Variants in ABCB9 observed in about 807,000 individuals in gnomAD.
ABCB9 encodes the protein ATP binding cassette subfamily B member 9, also known as ABC-type oligopeptide transporter ABCB9.
A neutral mutation model predicts 62.0 loss-of-function variants in ABCB9; 36 were observed. The observed-to-expected ratio is 0.58, with a 90% CI of 0.45 to 0.77. The LOEUF is 0.77. ABCB9 is among the 30% of genes least tolerant of loss of function. The probability of loss-of-function intolerance (pLI) is 0.00; values close to 1 mark genes in which losing one functional copy is unlikely to be tolerated. For missense variants in ABCB9, 943 were observed against 1,054.7 expected (o/e 0.89, Z 1.47); for synonymous variants, 435 against 461.4 (o/e 0.94, Z 0.73).
Position 122,959,705 on chromosome 12 carries a change from C to T in ABCB9, c.531G>A (p.Leu177=). 1.2e-6 allele frequency: 2 copies of T among 1,608,856 alleles called. No individual in the cohort carries two copies. The highest frequency in any genetic ancestry group is 1.7e-6 in the Non-Finnish European group (2 of 1,176,700). Residue 177 remains leucine (L), a synonymous_variant, in exon 2 of 12, where the codon CTG becomes CTA. Transcript: ENST00000280560. This position sits in a 1 kb window ranked among gnomAD's most constrained non-coding sequence, Gnocchi z 5.4. ...EQASGATLQK[L]LSYTKPDVAF... ...CCACGTCGGGCTTGGTGTAGGAGAG[C>T]AGCTTCTGCAGCGTGGCCCCAGACG...
chr12:122,970,423 T>C (rs2037257109), upstream of ABCB9, among the ~76,000 whole-genome samples: 1 of 152,040 alleles, frequency 6.6e-6, no homozygotes, highest in African/African-American at 2.4e-5. Context: ...AATTTTTGTA[T>C]TTTTGGTAGA....
intron 5 of ABCB9, among the ~76,000 whole-genome samples, chr12:122,946,836 A>C (rs2036067311): frequency 6.6e-6 from 1 of 152,174 alleles, no homozygotes; most frequent in Non-Finnish European, 1.5e-5. Flanking sequence ...GCTGCTGTTC[A>C]CCAGAGTCCT....
At chr12:122,950,654 C>A in intron 2 of ABCB9, 89 bp from the exon 3 acceptor site, 1 of 1,046,116 alleles carries the variant, frequency 9.6e-7, no homozygotes, top group Non-Finnish European at 1.4e-6. Flanking sequence ...ACACACCAAC[C>A]CCTCTGCCCA....
Position 122,944,309 on chromosome 12 carries a change from A to AG in ABCB9, c.1380+81dup. The AG allele has an allele frequency of 6.6e-7, 1 of 1,513,140 alleles. No homozygotes were observed. Among genetic ancestry groups the AG allele is most frequent in the Non-Finnish European group, 8.9e-7 (1 of 1,119,686 alleles). The allele number at this position is 1,513,140 out of a possible 1,614,324, so 93.7% of individuals were successfully genotyped here. ...AATACCACATTGTCAGAGTCCCTGG[A>AG]GCCCCGCCCCCACCCTGTTAAGATC... On this transcript the variant is annotated intron_variant, in intron 7 of 11. Coordinates refer to ENST00000280560, the MANE Select transcript of ABCB9 (RefSeq NM_019625.4). This position sits in a 1 kb window ranked among gnomAD's most constrained non-coding sequence, Gnocchi z 4.9.
chr12:122,973,603 A>AAAAAAAAAAAAAC (rs2037320043), intron 1 of ABCB9, among the ~76,000 whole-genome samples: 1 of 143,280 alleles, frequency 7.0e-6, no homozygotes, highest in Non-Finnish European at 1.5e-5. Context: ...AAAAAAAAAA[A>AAAAAAAAAAAAAC]AAAAAACAAA....
chr12:122,955,397 G>A (rs1296010811), intron 2 of ABCB9, among the ~76,000 whole-genome samples: 1 of 152,198 alleles, frequency 6.6e-6, no homozygotes, highest in African/African-American at 2.4e-5. Context: ...TCATGGCATG[G>A]GGCACCATCT....
rs1234289189 is a variant in ABCB9 at position 122,964,715 on chromosome 12, G to T, written c.-88+1572C>A. Among the ~76,000 whole-genome samples the T allele has an allele frequency of 6.6e-6, 1 of 152,246 alleles. No homozygotes were observed. The highest frequency in any genetic ancestry group is 2.4e-5 in the African/African-American group (1 of 41,466). ...CTGGAGGGCAAATTGTGAGCACATG[G>T]GTGACCTGCTTGGCCTGAGGGACAA... is the stretch of plus-strand genomic sequence containing the variant. On this transcript the variant is annotated intron_variant, in intron 1 of 11. Coordinates refer to ENST00000280560, the MANE Select transcript of ABCB9 (RefSeq NM_019625.4). The surrounding 1 kb of genome is among the most constrained non-coding windows in gnomAD (Gnocchi z 4.7).
intron 7 of ABCB9, among the ~76,000 whole-genome samples, chr12:122,943,338 G>A (rs987917962): frequency 3.9e-5 from 6 of 152,024 alleles, no homozygotes; most frequent in African/African-American, 1.2e-4. Context: ...AAACAAATCC[G>A]TTGCACGCCA....
chr12:122,968,070 C>T (rs1335404448), upstream of ABCB9, among the ~76,000 whole-genome samples: 1 of 147,816 alleles, frequency 6.8e-6, no homozygotes, highest in Non-Finnish European at 1.5e-5. Context: ...ACTCTGTAGC[C>T]AGAAAAAAAA....
intron 2 of ABCB9, among the ~76,000 whole-genome samples, chr12:122,957,510 C>A (rs1176362430): frequency 6.6e-6 from 1 of 152,112 alleles, no homozygotes; most frequent in Non-Finnish European, 1.5e-5. Context: ...GCCCCCAGAA[C>A]CTGTGAGCTC....
In ABCB9 at chr12:122,959,037, T is replaced by C. The variant is rs916191481; in HGVS notation, c.601+598A>G. Among the ~76,000 whole-genome samples the C allele has an allele frequency of 1.3e-5, 2 of 148,300 alleles. No homozygotes were observed. Among genetic ancestry groups the C allele is most frequent in the African/African-American group, 2.5e-5 (1 of 40,602 alleles). ...GGCGTGAGCCACCGCGCCTGGCCTA[T>C]TTTTTCGTTTTAAATTACATAAAAT... On this transcript the variant is annotated intron_variant, in intron 2 of 11. Coordinates refer to ENST00000280560, the MANE Select transcript of ABCB9 (RefSeq NM_019625.4). This position sits in a 1 kb window ranked among gnomAD's most constrained non-coding sequence, Gnocchi z 5.4.
At chr12:122,950,751 CA>C (rs1316758015) in intron 2 of ABCB9, 186 bp from the exon 3 acceptor site, 9 of 557,182 alleles carry the variant, frequency 1.6e-5, no homozygotes, top group Non-Finnish European at 2.6e-5. Flanking sequence ...CCTCAGAGAA[CA>C]GGGGAGCACT....
Position 122,941,015 on chromosome 12 carries a change from G to A in ABCB9, c.1381-20C>T, listed in dbSNP as rs774228823. 3.4e-5 allele frequency: 54 copies of A among 1,566,676 alleles called. No homozygotes were observed. The highest frequency in any genetic ancestry group is 1.8e-4 in the Admixed American group (10 of 57,142). On this transcript the variant is annotated intron_variant, in intron 7 of 11. Transcript: ENST00000280560. ...CACGGACTGGGGAGAGGAGACACGC[G>A]TTCCTGTCCCACCGATACCCGACTC...
Position 122,950,469 on chromosome 12 carries a change from C to T in ABCB9, c.698G>A (p.Cys233Tyr), listed in dbSNP as rs1261179995. 1 of 1,611,986 alleles carries T rather than the reference C, an allele frequency of 6.2e-7. No individual in the cohort carries two copies. The highest frequency in any genetic ancestry group is 8.5e-7 in the Non-Finnish European group (1 of 1,179,732). Reference sequence around the variant, plus strand: ...CAGCTACCTGCCAATGGCCAGCAGGCACACGATGACGACAGCCGTGCTGAA... The same window carrying T: ...CAGCTACCTGCCAATGGCCAGCAGGTACACGATGACGACAGCCGTGCTGAA... ...DQFSTAVVIV[C>Y]LLAIGSSFAA... The change falls in exon 3 of 12, where the codon TGC becomes TAC. Residue 233 changes from cysteine to tyrosine, a missense_variant. By Grantham distance (194) the Cys-to-Tyr change is radical. Transcript: ENST00000280560.
chr12:122,970,943 T>C (rs557730689), upstream of ABCB9, among the ~76,000 whole-genome samples: 1 of 152,242 alleles, frequency 6.6e-6, no homozygotes, highest in African/African-American at 2.4e-5. Flanking sequence ...ATTCCTACCA[T>C]ATGACATTCT....
chr12:122,924,556 T>C (rs759402994), downstream of ABCB9: 6 of 1,278,316 alleles, frequency 4.7e-6, no homozygotes, highest in Non-Finnish European at 6.1e-6. Flanking sequence ...GGCTGTTTAC[T>C]GAGCACATAC....
In ABCB9 at chr12:122,932,640, C is replaced by G. The variant is rs2035242643; in HGVS notation, c.1904-312G>C. ...TCCTCCTGGAGAAGGGGAGTTGGAG[C>G]GAGCCCCATGGCTTGAAGAGCTGCA... is the stretch of plus-strand genomic sequence containing the variant. On this transcript the variant is annotated intron_variant, in intron 10 of 11. Coordinates refer to ENST00000280560, the MANE Select transcript of ABCB9 (RefSeq NM_019625.4). This position sits in a 1 kb window ranked among gnomAD's most constrained non-coding sequence, Gnocchi z 4.7. 6.6e-6 allele frequency among the ~76,000 whole-genome samples: 1 copy of G among 152,176 alleles called. No individual in the cohort carries two copies. Among genetic ancestry groups the G allele is most frequent in the South Asian group, 2.1e-4 (1 of 4,828 alleles).
chr12:122,928,139 T>C (rs1369661210), downstream of ABCB9, among the ~76,000 whole-genome samples: 2 of 152,092 alleles, frequency 1.3e-5, no homozygotes, highest in Non-Finnish European at 2.9e-5. Context: ...ATTATCTAGG[T>C]GGCCTCTAAA....
intron 7 of ABCB9, among the ~76,000 whole-genome samples, chr12:122,943,510 G>A (rs546273567): frequency 2.2e-4 from 34 of 152,272 alleles, no homozygotes; most frequent in African/African-American, 7.7e-4. Context: ...TCACTCCACC[G>A]CTCAGGTTCA....
Sources: gnomAD v4.1 joint callset for allele counts (sites outside exome capture counted in the v4.1 genomes callset) on GRCh38, gnomAD v4.1.1 for gene constraint, Gnocchi (gnomAD v3.1) non-coding constraint, MANE v1.5 for transcripts, NCBI Gene and HGNC (gene_info 2026-07-23, HGNC 2026-07-21) for gene names.